The following BRPF3 variants were observed in gnomAD, a reference collection of about 807,000 sequenced individuals.
The protein encoded by BRPF3 is bromodomain and PHD finger containing 3.
A neutral mutation model predicts 102.0 loss-of-function variants in BRPF3; 18 were observed. The observed-to-expected ratio is 0.18, with a 90% CI of 0.12 to 0.26. The LOEUF (loss-of-function observed/expected upper bound fraction) is 0.26, where lower values mean the gene tolerates loss of function less well. Ranked by LOEUF, BRPF3 falls within the 10% of genes least tolerant of loss-of-function variation. The pLI is 1.00. For missense variants in BRPF3, 1,147 were observed against 1,567.8 expected, an observed-to-expected ratio of 0.73 and a Z score of 4.53; for synonymous variants, 570 against 614.2, an observed-to-expected ratio of 0.93 and a Z score of 1.06.
At position 36,207,441 on chromosome 6, in the gene BRPF3, G is replaced by A. The variant is rs765057194; in HGVS notation, c.1734G>A (p.Glu578=). 7 of 1,613,850 alleles carry A rather than the reference G, an allele frequency of 4.3e-6. No individual in the cohort carries two copies. In the East Asian group the frequency reaches 1.3e-4, roughly 31 times the overall value. Residue 578 remains glutamate (E), a synonymous_variant, in exon 4 of 13, where the codon GAG becomes GAA. Coordinates refer to ENST00000357641, the MANE Select transcript of BRPF3 (RefSeq NM_015695.3). ...LIRKREKLKR[E]QVKVQQAAME... is the part of the protein sequence containing the mutation. ...GGAAGAGAGAGAAGCTCAAACGAGA[G>A]CAGGTAAGGAGGAGCCCCCAGCCCT...
intron 9 of BRPF3, among the ~76,000 whole-genome samples, chr6:36,221,383 T>C (rs1768538048): frequency 1.3e-5 from 2 of 150,918 alleles, no homozygotes; most frequent in Non-Finnish European, 2.9e-5. Context: ...AACTCCCTGG[T>C]TCAAGTGATT....
At chr6:36,204,870 G>T in intron 3 of BRPF3, 56 bp downstream of exon 3, 1 of 1,589,302 alleles carries the variant, frequency 6.3e-7, no homozygotes. Flanking sequence ...GAAGGAAAAG[G>T]AATGATGGTT....
In BRPF3 at chr6:36,200,234, A is replaced by G. The variant is rs1203337007; in HGVS notation, c.-26-63A>G. The G allele has an allele frequency of 2.0e-6, 3 of 1,465,158 alleles. No homozygotes were observed. Among genetic ancestry groups the G allele is most frequent in the Non-Finnish European group, 2.7e-6 (3 of 1,111,204 alleles). The allele number at this position is 1,465,158 out of a possible 1,614,324, so 90.8% of individuals were successfully genotyped here. On this transcript the variant is annotated intron_variant, in intron 1 of 12. Coordinates refer to ENST00000357641, the MANE Select transcript of BRPF3 (RefSeq NM_015695.3). The surrounding 1 kb of genome is among the most constrained non-coding windows in gnomAD (Gnocchi z 5.3). ...GTCCTCTTGGTGGATGCTTGATCATATGGGAGGATGAATGGGTGCATAAGG... is the reference window on the plus strand; with the variant it reads ...GTCCTCTTGGTGGATGCTTGATCATGTGGGAGGATGAATGGGTGCATAAGG...
chr6:36,207,927 G>C (rs574029253), intron 4 of BRPF3, among the ~76,000 whole-genome samples: 5 of 152,358 alleles, frequency 3.3e-5, no homozygotes, highest in African/African-American at 1.2e-4. Context: ...GAGGTAGGTA[G>C]TGTAGCATAG....
At chr6:36,228,828 A>T (rs1768833537) in intron 11 of BRPF3, 74 bp from the exon 12 acceptor site, 1 of 1,555,294 alleles carries the variant, frequency 6.4e-7, no homozygotes, top group Admixed American at 1.7e-5. Flanking sequence ...GTGCTTCAGC[A>T]GTTGGTCCTG....
In BRPF3 at chr6:36,223,259, A is replaced by T. The variant is rs150991463; in HGVS notation, c.3181+994A>T. On this transcript the variant is annotated intron_variant, in intron 10 of 12. Transcript: ENST00000357641. ...TTACCCAACTGCTTTATTTTCCCTT[A>T]GCATCAGTTTCTTTCTCGTATGTGT... Among the ~76,000 whole-genome samples the T allele has an allele frequency of 5.7e-4, 86 of 152,212 alleles. 3 individuals carry two copies. In the East Asian group the frequency reaches 0.016, roughly 28 times the overall value.
rs753985752 is a variant in BRPF3 at position 36,201,414 on chromosome 6, C to T, written c.1092C>T (p.Pro364=). ...QRAGLFMKIE[P]MRETSLNGTI... is the part of the protein sequence containing the mutation. The stretch of plus-strand genomic sequence containing the variant: ...CTGGGCTCTTCATGAAGATTGAGCC[C>T]ATGCGCGAAACCAGCCTCAATGGCA... Residue 364 remains proline, a synonymous_variant, in exon 2 of 13, where the codon CCC becomes CCT. Transcript: ENST00000357641. This position sits in a 1 kb window ranked among gnomAD's most constrained non-coding sequence, Gnocchi z 5.1. The T allele has an allele frequency of 1.4e-5, 22 of 1,614,162 alleles. No individual in the cohort carries two copies. Among genetic ancestry groups the T allele is most frequent in the Non-Finnish European group, 1.6e-5 (19 of 1,180,026 alleles).
chr6:36,197,813 C>G (rs1346625276), intron 1 of BRPF3, among the ~76,000 whole-genome samples: 2 of 152,160 alleles, frequency 1.3e-5, no homozygotes, highest in Non-Finnish European at 2.9e-5. Context: ...CCTTCCCCCT[C>G]TAGAGTTTCT....
At position 36,200,736 on chromosome 6, in the gene BRPF3, C is replaced by T. The variant is rs139433106; in HGVS notation, c.414C>T (p.Tyr138=). Residue 138 remains tyrosine, a synonymous_variant, in exon 2 of 13, where the codon TAC becomes TAT. Transcript: ENST00000357641. The surrounding 1 kb of genome is among the most constrained non-coding windows in gnomAD (Gnocchi z 5.3). The part of the protein sequence containing the change: ...PEAPPLPAAY[Y]RYIEKPPEDL... ...CACCCCCGCTGCCTGCTGCCTACTACCGCTACATTGAGAAGCCACCTGAAG... is the reference window on the plus strand; with the variant it reads ...CACCCCCGCTGCCTGCTGCCTACTATCGCTACATTGAGAAGCCACCTGAAG... The T allele has an allele frequency of 6.3e-4, 1,024 of 1,614,202 alleles. 4 individuals are homozygous for T. The African/African-American group carries it at 0.011, about 18-fold the overall frequency.
chr6:36,203,199 C>T (rs1767780226), intron 2 of BRPF3, among the ~76,000 whole-genome samples: 1 of 152,158 alleles, frequency 6.6e-6, no homozygotes, highest in African/African-American at 2.4e-5. Context: ...CCAGACAAAC[C>T]TACATTTGAA....
At chr6:36,229,079 G>A in intron 12 of BRPF3, 23 bp downstream of exon 12, 2 of 1,610,888 alleles carry the variant, frequency 1.2e-6, no homozygotes, top group Middle Eastern at 1.8e-4. Flanking sequence ...TGCTGTGAGG[G>A]GGCTGAGGGG....
chr6:36,205,132 A>G (rs1767861594), intron 3 of BRPF3, among the ~76,000 whole-genome samples: 1 of 152,216 alleles, frequency 6.6e-6, no homozygotes, highest in African/African-American at 2.4e-5. Context: ...GGGTGGCCAC[A>G]TTGTGTTAAT....
chr6:36,199,771 T>C (rs1007179082), intron 1 of BRPF3, among the ~76,000 whole-genome samples: 1 of 152,240 alleles, frequency 6.6e-6, no homozygotes, highest in African/African-American at 2.4e-5. Flanking sequence ...CTTTTCTGTC[T>C]TTTGAGTTAG....
rs186992321 is a variant in BRPF3, at chr6:36,198,682, C to G, written c.-26-1615C>G. Among the ~76,000 whole-genome samples, 5 of 152,214 alleles carry G rather than the reference C, an allele frequency of 3.3e-5. No homozygotes were observed. In the East Asian group the frequency reaches 9.6e-4, roughly 29 times the overall value. ...TCTCTACTTTATATAGATGGTAGAC[C>G]CTGCAACCAAGGCGATGAATTGTTT... On this transcript the variant is annotated intron_variant, in intron 1 of 12. Coordinates refer to ENST00000357641, the MANE Select transcript of BRPF3 (RefSeq NM_015695.3).
intron 7 of BRPF3, among the ~76,000 whole-genome samples, chr6:36,212,225 C>A (rs1366253608): frequency 6.6e-6 from 1 of 152,168 alleles, no homozygotes; most frequent in Non-Finnish European, 1.5e-5. Flanking sequence ...ACCTTATAAG[C>A]TAAGCTGCTT....
At chr6:36,212,959 C>CAAA (rs1281973861) in intron 7 of BRPF3, among the ~76,000 whole-genome samples, 1 of 108,820 alleles carries the variant, frequency 9.2e-6, no homozygotes. Context: ...GACTCCGTCT[C>CAAA]AAAAAAAAAA....
chr6:36,220,408 C>T (rs1768493384), intron 9 of BRPF3, among the ~76,000 whole-genome samples: 1 of 152,180 alleles, frequency 6.6e-6, no homozygotes, highest in South Asian at 2.1e-4. Context: ...TACAACAACA[C>T]ATGGGGAGTG....
rs188995700 is a variant in BRPF3, at chr6:36,201,547, G to A, written c.1225G>A (p.Asp409Asn). ...CCCTAGAAGCATCAGTGAGACTGGC[G>A]ATGAGGAAGGGCTGAAGGAGGGTGA... ...DSPRSISETGDEEGLKEGDGE... is the reference protein window; with the variant it reads ...DSPRSISETGNEEGLKEGDGE... The change falls in exon 2 of 13, where the codon GAT becomes AAT. Residue 409 changes from aspartate (D) to asparagine (N), a missense_variant. Around this residue, in one of 11 missense-constraint regions of BRPF3, gnomAD observed 157 missense variants for 163.6 expected, o/e 0.96. Transcript: ENST00000357641. The surrounding 1 kb of genome is among the most constrained non-coding windows in gnomAD (Gnocchi z 5.1). 57 of 1,614,104 alleles carry A rather than the reference G, an allele frequency of 3.5e-5. No homozygotes were observed. The East Asian group carries it at 4.7e-4, about 13-fold the overall frequency.
intron 9 of BRPF3, among the ~76,000 whole-genome samples, chr6:36,219,982 A>G (rs908105920): frequency 4.6e-5 from 7 of 152,326 alleles, no homozygotes; most frequent in Admixed American, 4.6e-4. Context: ...CACCTACTGT[A>G]TGCCAGGTAC....
Sources: gnomAD v4.1 joint callset for allele counts (sites outside exome capture counted in the v4.1 genomes callset) on GRCh38, gnomAD v4.1.1 for gene constraint, gnomAD v4.1.1 regional missense constraint, Gnocchi (gnomAD v3.1) non-coding constraint, MANE v1.5 for transcripts, NCBI Gene and HGNC (gene_info 2026-07-23, HGNC 2026-07-21) for gene names.